Variants in FAM120C observed in about 807,000 individuals in gnomAD.
FAM120C encodes family with sequence similarity 120 member C.
Under a neutral mutation model 71.2 loss-of-function variants are expected in FAM120C, and 14 were observed. The observed-to-expected ratio is 0.20, with a 90% CI of 0.13 to 0.31. FAM120C has a LOEUF of 0.31. Among genes scored for constraint, FAM120C ranks in the 10% least tolerant of loss-of-function variants. FAM120C has a pLI of 1.00. For missense variants in FAM120C, 500 were observed against 879.0 expected, an observed-to-expected ratio of 0.57 and a Z score of 5.45; for synonymous variants, 354 against 353.2, an observed-to-expected ratio of 1.00 and a Z score of -0.03.
chrX:54,106,175 G>A (rs1159239984), intron 10 of FAM120C, among the ~76,000 whole-genome samples: 1 of 111,853 alleles, frequency 8.9e-6, no homozygotes, highest in Non-Finnish European at 1.9e-5. Flanking sequence ...CAAGGCTACG[G>A]TAACCAAAAC....
chrX:54,174,712 T>C (rs2146650644), intron 1 of FAM120C, among the ~76,000 whole-genome samples: 1 of 112,416 alleles, frequency 8.9e-6, no homozygotes, highest in Non-Finnish European at 1.9e-5. Context: ...TTTCAGATCC[T>C]GGTGAACACT....
intron 9 of FAM120C, among the ~76,000 whole-genome samples, chrX:54,125,962 T>A (rs2067025378): frequency 8.9e-6 from 1 of 112,627 alleles, no homozygotes; most frequent in Non-Finnish European, 1.9e-5. Flanking sequence ...TTTCATTTTC[T>A]TTGGAAGGAC....
At chrX:54,101,924 G>GCTC (rs2066884268) in intron 10 of FAM120C, among the ~76,000 whole-genome samples, 1 of 111,663 alleles carries the variant, frequency 9.0e-6, no homozygotes, top group Admixed American at 9.6e-5. Context: ...TTTGTAGCCT[G>GCTC]CTCCTCCAAA....
chrX:54,104,677 G>C, intron 10 of FAM120C, among the ~76,000 whole-genome samples: 1 of 109,996 alleles, frequency 9.1e-6, no homozygotes. Context: ...GTGTAGTGAT[G>C]GGCACCTGTA....
intron 15 of FAM120C, among the ~76,000 whole-genome samples, chrX:54,075,588 G>A (rs1297076538): frequency 9.1e-6 from 1 of 109,370 alleles, no homozygotes; most frequent in Non-Finnish European, 1.9e-5. Context: ...CACAAGGTCA[G>A]GGGTTGAGCA....
chrX:54,169,164 C>T lies in FAM120C; in HGVS notation c.700-9548G>A, dbSNP rs148168544. On this transcript the variant is annotated intron_variant, in intron 1 of 15. Transcript: ENST00000375180. Reference sequence around the variant, plus strand: ...GTTTAAAAAATTAGCCAGGCATGATCGTACATGCCTGTGGTCCCAGCTACT... The same window carrying T: ...GTTTAAAAAATTAGCCAGGCATGATTGTACATGCCTGTGGTCCCAGCTACT... Among the ~76,000 whole-genome samples, 822 of 110,599 alleles carry T rather than the reference C, an allele frequency of 7.4e-3. 1 individual carries two copies. Among genetic ancestry groups the T allele is most frequent in the Non-Finnish European group, 0.01 (554 of 52,867 alleles).
intron 10 of FAM120C, among the ~76,000 whole-genome samples, chrX:54,111,670 T>C (rs187260437): frequency 3.6e-5 from 4 of 112,023 alleles, no homozygotes; most frequent in East Asian, 2.8e-4. Context: ...TTCATACCCA[T>C]AGATCGGAAG....
intron 9 of FAM120C, among the ~76,000 whole-genome samples, chrX:54,117,472 A>G (rs2066977235): frequency 9.3e-6 from 1 of 107,695 alleles, no homozygotes; most frequent in African/African-American, 3.4e-5. Flanking sequence ...GCTGAGGTAG[A>G]TCACTTGAGG....
intron 9 of FAM120C, among the ~76,000 whole-genome samples, chrX:54,118,004 A>C (rs1277867801): frequency 1.8e-5 from 2 of 111,262 alleles, no homozygotes; most frequent in African/African-American, 6.5e-5. Context: ...CGGGCGGATC[A>C]CCTGAGGTCA....
In FAM120C at chrX:54,133,915, G is replaced by C. The variant is rs1557129889; in HGVS notation, c.1748C>G (p.Ser583Cys). The C allele has an allele frequency of 8.3e-7, 1 of 1,209,958 alleles. No homozygotes were observed. Among genetic ancestry groups the C allele is most frequent in the Non-Finnish European group, 1.1e-6 (1 of 895,271 alleles). The change falls in exon 8 of 16, where the codon TCT (serine) becomes TGT (cysteine). Residue 583 changes from serine to cysteine, a missense_variant. Ser to Cys is a moderately radical substitution (Grantham distance 112). Around this residue, in one of 11 missense-constraint regions of FAM120C, gnomAD observed 104 missense variants for 254.5 expected, o/e 0.41. Transcript: ENST00000375180. ...GTTCCTTGTAGACATAGACAGCAGA[G>C]ATGGGATGTGGGGCTCACCATCACC... is the stretch of plus-strand genomic sequence containing the variant. ...SLGDGEPHIP[S>C]LLSMSTRNHM...
intron 1 of FAM120C, among the ~76,000 whole-genome samples, chrX:54,167,391 C>G (rs898269778): frequency 1.2e-4 from 13 of 111,812 alleles, no homozygotes; most frequent in African/African-American, 3.9e-4. Context: ...TCAACTATAA[C>G]ATAACCAAAC....
At chrX:54,164,052 C>A (rs1355606474) in intron 1 of FAM120C, among the ~76,000 whole-genome samples, 1 of 109,790 alleles carries the variant, frequency 9.1e-6, no homozygotes, top group Non-Finnish European at 1.9e-5. Context: ...CCTGCCTTAG[C>A]CCCCCTAGTA....
chrX:54,125,934 C>A (rs896170011), intron 9 of FAM120C, among the ~76,000 whole-genome samples: 2 of 112,333 alleles, frequency 1.8e-5, no homozygotes, highest in Non-Finnish European at 3.8e-5. Flanking sequence ...ATTTTCAACA[C>A]CTTTTGTTAA....
intron 1 of FAM120C, 117 bp from the exon 2 acceptor site, chrX:54,159,733 G>T: frequency 1.8e-5 from 11 of 613,471 alleles, no homozygotes; most frequent in Non-Finnish European, 2.4e-5. Flanking sequence ...GTACGTGAGA[G>T]AACAGAACAT....
intron 1 of FAM120C, among the ~76,000 whole-genome samples, chrX:54,164,753 A>G (rs879993743): frequency 7.2e-5 from 8 of 111,734 alleles, no homozygotes; most frequent in Admixed American, 6.7e-4. Flanking sequence ...CCTGCTTTCA[A>G]TTGTTTTAGA....
intron 13 of FAM120C, among the ~76,000 whole-genome samples, chrX:54,083,544 C>T (rs1249037599): frequency 2.8e-5 from 3 of 106,815 alleles, no homozygotes; most frequent in East Asian, 6.1e-4. Context: ...CTGAGATGAG[C>T]GAATCACTTG....
chrX:54,133,012 ACAAGCTTAG>A (rs1557129677), intron 8 of FAM120C, 149 bp from the exon 9 acceptor site: 22 of 430,115 alleles, frequency 5.1e-5, no homozygotes, highest in Non-Finnish European at 6.7e-5. Flanking sequence ...AGAAGCTGTA[ACAAGCTTAG>A]CTGATTGCAG....
At chrX:54,156,280 C>G (rs1557133671) in intron 3 of FAM120C, among the ~76,000 whole-genome samples, 1 of 107,166 alleles carries the variant, frequency 9.3e-6, no homozygotes, top group Non-Finnish European at 1.9e-5. Context: ...TATACTACCA[C>G]CAGAAGTGTA....
intron 13 of FAM120C, among the ~76,000 whole-genome samples, chrX:54,081,810 G>GT (rs1557121361): frequency 9.5e-6 from 1 of 105,749 alleles, no homozygotes; most frequent in African/African-American, 3.4e-5. Flanking sequence ...AAAAAGAATT[G>GT]TAAGTACAAG....
Sources: gnomAD v4.1 joint callset for allele counts (sites outside exome capture counted in the v4.1 genomes callset) on GRCh38, gnomAD v4.1.1 for gene constraint, gnomAD v4.1.1 regional missense constraint, MANE v1.5 for transcripts, NCBI Gene and HGNC (gene_info 2026-07-23, HGNC 2026-07-21) for gene names.